The following GRIK3 variants were observed in gnomAD, a reference collection of about 807,000 sequenced individuals.
GRIK3 encodes the protein glutamate receptor ionotropic, kainate 3.
A neutral mutation model predicts 102.5 loss-of-function variants in GRIK3; 29 were observed. The observed-to-expected ratio is 0.28, with a 90% CI of 0.21 to 0.39. The LOEUF is 0.39. Among genes scored for constraint, GRIK3 ranks in the 10% least tolerant of loss-of-function variants. The pLI is 1.00. For missense variants in GRIK3, 908 were observed against 1,252.4 expected, an observed-to-expected ratio of 0.73 and a Z score of 4.15; for synonymous variants, 511 against 504.9, an observed-to-expected ratio of 1.01 and a Z score of -0.16.
At chr1:37,002,511 A>G (rs1557459258) in intron 1 of GRIK3, among the ~76,000 whole-genome samples, 1 of 152,178 alleles carries the variant, frequency 6.6e-6, no homozygotes, top group Non-Finnish European at 1.5e-5. Flanking sequence ...CAAGCTGTGC[A>G]CTTGAACTGC....
At chr1:36,909,145 G>C (rs995752899) in intron 1 of GRIK3, among the ~76,000 whole-genome samples, 1 of 152,152 alleles carries the variant, frequency 6.6e-6, no homozygotes, top group Non-Finnish European at 1.5e-5. Flanking sequence ...AGCCAGTGAC[G>C]TGCTGCAGCC....
At chr1:36,942,706 G>T (rs1641740675) in intron 1 of GRIK3, among the ~76,000 whole-genome samples, 1 of 151,884 alleles carries the variant, frequency 6.6e-6, no homozygotes, top group Non-Finnish European at 1.5e-5. Context: ...GAAGTCAGGG[G>T]CCAAAACCCA....
Position 36,801,745 on chromosome 1 carries a change from C to T in GRIK3, c.*106G>A. 1.0e-6 allele frequency: 1 copy of T among 961,658 alleles called. No homozygotes were observed. Among genetic ancestry groups the T allele is most frequent in the Non-Finnish European group, 1.5e-6 (1 of 680,214 alleles). The allele number at this position is 961,658 out of a possible 1,614,324, so 59.6% of individuals were successfully genotyped here. A position where few individuals can be genotyped will look rare whatever the true frequency, so the allele number is the denominator to read the frequency against. On this transcript the variant is annotated 3_prime_UTR_variant, in exon 16 of 16. Coordinates refer to ENST00000373091, the MANE Select transcript of GRIK3 (RefSeq NM_000831.4). Reference sequence around the variant, plus strand: ...GGCTCCTGGCCCAACAGGCAGGTGGCAGCTCTGGTCCCCAAGCCCAGTGCG... The same window carrying T: ...GGCTCCTGGCCCAACAGGCAGGTGGTAGCTCTGGTCCCCAAGCCCAGTGCG...
rs188240471 is a variant in GRIK3, at chr1:36,898,574, G to A, written c.116-7478C>T. Among the ~76,000 whole-genome samples, 149 of 152,246 alleles carry A rather than the reference G, an allele frequency of 9.8e-4. 1 individual carries two copies. Among genetic ancestry groups the A allele is most frequent in the South Asian group, 8.7e-3 (42 of 4,816 alleles). On this transcript the variant is annotated intron_variant, in intron 1 of 15. Transcript: ENST00000373091. ...TAAATACATCCCATGTTCATGGACTGGAAGACTTAATATTGTTAAGGTGTC... is the reference window on the plus strand; with the variant it reads ...TAAATACATCCCATGTTCATGGACTAGAAGACTTAATATTGTTAAGGTGTC...
At chr1:37,001,427 C>T (rs1467373308) in intron 1 of GRIK3, among the ~76,000 whole-genome samples, 5 of 152,164 alleles carry the variant, frequency 3.3e-5, no homozygotes, top group Non-Finnish European at 7.3e-5. Context: ...GCAGCCAATT[C>T]CCCTGGCAGG....
At position 37,030,886 on chromosome 1, in the gene GRIK3, G is replaced by A. The variant is rs3767107; in HGVS notation, c.115+3108C>T. 1.0e-3 allele frequency among the ~76,000 whole-genome samples: 156 copies of A among 152,252 alleles called. 1 individual carries two copies. The East Asian group carries it at 0.022, about 22-fold the overall frequency. ...TTTACAGATGGAGAAACTGAGGCCT[G>A]GGGTGCCAGGGAGAGGTGTGATTTG... On this transcript the variant is annotated intron_variant, in intron 1 of 15. Transcript: ENST00000373091.
intron 10 of GRIK3, among the ~76,000 whole-genome samples, chr1:36,829,443 G>A (rs1283879496): frequency 1.3e-5 from 2 of 151,732 alleles, no homozygotes; most frequent in African/African-American, 2.4e-5. Context: ...ACTGAGGCTC[G>A]GAGAGAAGCT....
intron 1 of GRIK3, among the ~76,000 whole-genome samples, chr1:37,003,648 C>T (rs1026947509): frequency 2.6e-5 from 4 of 152,208 alleles, no homozygotes; most frequent in African/African-American, 9.6e-5. Context: ...GCACTGGCTA[C>T]AAACCCATGT....
chr1:36,824,393 G>C (rs1642730614), intron 11 of GRIK3, among the ~76,000 whole-genome samples: 1 of 152,204 alleles, frequency 6.6e-6, no homozygotes, highest in South Asian at 2.1e-4. Context: ...TCTGTGGCAG[G>C]CTCAGCGGCT....
chr1:36,980,344 A>G (rs1240846954), intron 1 of GRIK3, among the ~76,000 whole-genome samples: 1 of 151,830 alleles, frequency 6.6e-6, no homozygotes, highest in African/African-American at 2.4e-5. Context: ...TGCCTTGCAC[A>G]CTGTGTTCCA....
intron 1 of GRIK3, among the ~76,000 whole-genome samples, chr1:36,919,418 T>C (rs1251687539): frequency 1.3e-5 from 2 of 151,946 alleles, no homozygotes; most frequent in African/African-American, 4.8e-5. Flanking sequence ...ATGTGCACAA[T>C]GTGCAGGTTA....
At chr1:36,954,828 C>A (rs2124338617) in intron 1 of GRIK3, among the ~76,000 whole-genome samples, 1 of 152,346 alleles carries the variant, frequency 6.6e-6, no homozygotes. Context: ...AGAAAGGTGC[C>A]CTTCCTCACA....
intron 1 of GRIK3, among the ~76,000 whole-genome samples, chr1:36,995,396 C>T (rs1052443385): frequency 6.6e-6 from 1 of 152,156 alleles, no homozygotes; most frequent in Non-Finnish European, 1.5e-5. Flanking sequence ...GGCTCATCCA[C>T]GGGATGGCCA....
intron 3 of GRIK3, among the ~76,000 whole-genome samples, chr1:36,877,879 C>T (rs928242626): frequency 6.6e-6 from 1 of 152,210 alleles, no homozygotes; most frequent in Non-Finnish European, 1.5e-5. Flanking sequence ...AATGTATATG[C>T]CATTTCATTC....
intron 1 of GRIK3, among the ~76,000 whole-genome samples, chr1:36,993,425 G>T (rs766440174): frequency 6.6e-6 from 1 of 152,088 alleles, no homozygotes; most frequent in Non-Finnish European, 1.5e-5. Flanking sequence ...ACCCCACCCC[G>T]CCTGGATGTG....
intron 5 of GRIK3, among the ~76,000 whole-genome samples, chr1:36,862,644 C>A (rs1640740374): frequency 6.6e-6 from 1 of 152,162 alleles, no homozygotes. Flanking sequence ...CAGAAGAAGT[C>A]TCCCTCCCTC....
At chr1:36,876,327 A>G (rs936495149) in intron 3 of GRIK3, among the ~76,000 whole-genome samples, 7 of 152,186 alleles carry the variant, frequency 4.6e-5, no homozygotes, top group Non-Finnish European at 8.8e-5. Context: ...ACTGCATTCC[A>G]GCCTGGGTGA....
At chr1:36,870,660 A>T (rs1053691704) in intron 4 of GRIK3, among the ~76,000 whole-genome samples, 3 of 152,246 alleles carry the variant, frequency 2.0e-5, no homozygotes, top group African/African-American at 7.2e-5. Flanking sequence ...GGCTCAGCTC[A>T]GAATCTTCAT....
At chr1:36,883,775 G>C (rs1435382748) in intron 2 of GRIK3, among the ~76,000 whole-genome samples, 1 of 152,206 alleles carries the variant, frequency 6.6e-6, no homozygotes, top group Non-Finnish European at 1.5e-5. Context: ...GGATGGTCCA[G>C]ATTGATCCAG....
Sources: allele counts gnomAD v4.1 joint callset (sites outside exome capture counted in the v4.1 genomes callset), GRCh38; gene constraint gnomAD v4.1.1; transcripts MANE v1.5; gene names NCBI Gene and HGNC (gene_info 2026-07-23, HGNC 2026-07-21).